The following RAB2A variants were observed in gnomAD, a reference collection of about 807,000 sequenced individuals.
RAB2A encodes RAB2A, member RAS oncogene family.
A neutral mutation model predicts 32.5 loss-of-function variants in RAB2A; 7 were observed. That is an observed-to-expected ratio of 0.22 (90% CI 0.12 to 0.40). The LOEUF (loss-of-function observed/expected upper bound fraction) is 0.40. Among genes scored for constraint, RAB2A ranks in the 10% least tolerant of loss-of-function variants. The pLI is 1.00. For missense variants in RAB2A, 108 were observed against 260.7 expected (o/e 0.41, Z 4.03); for synonymous variants, 79 against 85.2 (o/e 0.93, Z 0.40).
chr8:60,556,121 ACT>A (rs1331766519), intron 1 of RAB2A, among the ~76,000 whole-genome samples: 1 of 152,198 alleles, frequency 6.6e-6, no homozygotes, highest in Non-Finnish European at 1.5e-5. Context: ...AAAAGTAAAT[ACT>A]GCATGTTCTC....
At chr8:60,603,673 A>G (rs759424086) in intron 6 of RAB2A, among the ~76,000 whole-genome samples, 1 of 152,214 alleles carries the variant, frequency 6.6e-6, no homozygotes, top group Non-Finnish European at 1.5e-5. Flanking sequence ...TCAGCATAAT[A>G]TATGAATCCC....
At chr8:60,543,462 CCT>C (rs779486900) in intron 1 of RAB2A, among the ~76,000 whole-genome samples, 2 of 134,768 alleles carry the variant, frequency 1.5e-5, no homozygotes, top group African/African-American at 7.7e-5. Context: ...TGCTTTCTCC[CCT>C]GTGTCTTTGT....
rs16926329 is a variant in RAB2A, at chr8:60,617,592, A to G, written c.475-988A>G. 4.4e-3 allele frequency among the ~76,000 whole-genome samples: 663 copies of G among 152,168 alleles called. 4 individuals carry two copies. The highest frequency in any genetic ancestry group is 0.015 in the African/African-American group (620 of 41,514). Reference sequence around the variant, plus strand: ...AAAATTGATGCTTTTAAACTATACAATTCGTTAGCTGGGTGTGGCAGCACA... The same window carrying G: ...AAAATTGATGCTTTTAAACTATACAGTTCGTTAGCTGGGTGTGGCAGCACA... On this transcript the variant is annotated intron_variant, in intron 6 of 7. Transcript: ENST00000262646.
intron 3 of RAB2A, among the ~76,000 whole-genome samples, chr8:60,581,786 T>A (rs1200877495): frequency 1.3e-5 from 2 of 152,128 alleles, no homozygotes; most frequent in Non-Finnish European, 2.9e-5. Flanking sequence ...ACAGGTTGAT[T>A]GCTTAAAGCT....
At chr8:60,530,149 T>C (rs556836015) in intron 1 of RAB2A, among the ~76,000 whole-genome samples, 39 of 144,900 alleles carry the variant, frequency 2.7e-4, no homozygotes, top group East Asian at 2.6e-3. Context: ...TTTTTCTTTT[T>C]TTTTTTTTTT....
rs146750149 is a variant in RAB2A at position 60,573,803 on chromosome 8, G to A, written c.186+1690G>A. ...AGAGGTTCTCTCTTCTTGTTTTGGAGACAGGGTCTCACTCTGTCACCCAGG... is the reference window on the plus strand; with the variant it reads ...AGAGGTTCTCTCTTCTTGTTTTGGAAACAGGGTCTCACTCTGTCACCCAGG... On this transcript the variant is annotated intron_variant, in intron 3 of 7. Coordinates refer to ENST00000262646, the MANE Select transcript of RAB2A (RefSeq NM_002865.3). 1.8e-3 allele frequency among the ~76,000 whole-genome samples: 269 copies of A among 152,286 alleles called. 1 individual carries two copies. The highest frequency in any genetic ancestry group is 3.2e-3 in the Non-Finnish European group (215 of 68,032).
intron 1 of RAB2A, among the ~76,000 whole-genome samples, chr8:60,555,506 TCAA>T (rs893299609): frequency 6.6e-6 from 1 of 151,636 alleles, no homozygotes; most frequent in Non-Finnish European, 1.5e-5. Flanking sequence ...TACAAGGAAC[TCAA>T]CAATAAAAAA....
chr8:60,567,217 G>GT (rs1808128760), intron 2 of RAB2A, among the ~76,000 whole-genome samples: 1 of 151,062 alleles, frequency 6.6e-6, no homozygotes, highest in Admixed American at 6.6e-5. Context: ...TTGGGTTCAA[G>GT]TAATTCTTGC....
chr8:60,612,207 T>G (rs1012333668), intron 6 of RAB2A, among the ~76,000 whole-genome samples: 3 of 152,156 alleles, frequency 2.0e-5, no homozygotes, highest in Non-Finnish European at 4.4e-5. Context: ...CAACTCCCAC[T>G]TATGAGTGAG....
At chr8:60,560,720 A>T (rs980479797) in intron 2 of RAB2A, among the ~76,000 whole-genome samples, 2 of 149,830 alleles carry the variant, frequency 1.3e-5, no homozygotes, top group African/African-American at 4.9e-5. Flanking sequence ...TTGAAACACT[A>T]TGAGATTTTT....
intron 1 of RAB2A, among the ~76,000 whole-genome samples, chr8:60,531,565 T>C (rs1297898072): frequency 6.6e-6 from 1 of 152,188 alleles, no homozygotes; most frequent in Non-Finnish European, 1.5e-5. Context: ...TCCTAAAATT[T>C]AGTGGGGTTG....
chr8:60,544,108 C>CTT (rs762062848), intron 1 of RAB2A, among the ~76,000 whole-genome samples: 10 of 134,284 alleles, frequency 7.4e-5, no homozygotes, highest in African/African-American at 2.2e-4. Flanking sequence ...ATTTTCAATT[C>CTT]TTTTTTTTTT....
chr8:60,575,407 G>A (rs1808257403), intron 3 of RAB2A, among the ~76,000 whole-genome samples: 1 of 152,012 alleles, frequency 6.6e-6, no homozygotes, highest in South Asian at 2.1e-4. Flanking sequence ...TACACATTAA[G>A]ATTGGTCTCA....
At chr8:60,517,975 A>T (rs1168614546) in intron 1 of RAB2A, among the ~76,000 whole-genome samples, 2 of 152,096 alleles carry the variant, frequency 1.3e-5, no homozygotes, top group Non-Finnish European at 2.9e-5. Context: ...AAAGTCGTTC[A>T]GTGCTCTGGG....
intron 1 of RAB2A, among the ~76,000 whole-genome samples, chr8:60,530,308 G>A (rs1404678439): frequency 6.6e-6 from 1 of 151,978 alleles, no homozygotes; most frequent in Admixed American, 6.6e-5. Flanking sequence ...AACACACCTG[G>A]CTACTTTTTG....
chr8:60,585,973 C>A (rs909384419), intron 5 of RAB2A, among the ~76,000 whole-genome samples: 1 of 152,112 alleles, frequency 6.6e-6, no homozygotes, highest in Non-Finnish European at 1.5e-5. Flanking sequence ...GTGTGAGATG[C>A]AGTTAAAATA....
chr8:60,611,474 C>T (rs1331698057), intron 6 of RAB2A, among the ~76,000 whole-genome samples: 1 of 152,198 alleles, frequency 6.6e-6, no homozygotes, highest in East Asian at 1.9e-4. Context: ...CTACCTTATT[C>T]ATCTAAGCAA....
At chr8:60,554,581 G>A (rs944786146) in intron 1 of RAB2A, among the ~76,000 whole-genome samples, 1 of 152,202 alleles carries the variant, frequency 6.6e-6, no homozygotes, top group African/African-American at 2.4e-5. Context: ...TTAGTAGGCA[G>A]TTGGAAATAA....
At chr8:60,535,936 G>A (rs898877474) in intron 1 of RAB2A, among the ~76,000 whole-genome samples, 83 of 152,140 alleles carry the variant, frequency 5.5e-4, no homozygotes, top group African/African-American at 2.0e-3. Context: ...AGCTGCTAGG[G>A]AGCTCAAAGA....
Sources: gnomAD v4.1 joint callset for allele counts (sites outside exome capture counted in the v4.1 genomes callset) on GRCh38, gnomAD v4.1.1 for gene constraint, MANE v1.5 for transcripts, NCBI Gene and HGNC (gene_info 2026-07-23, HGNC 2026-07-21) for gene names.